PHACTR1: variants seen among roughly 807,000 people sequenced by gnomAD.
PHACTR1 encodes the protein RPEL repeat containing 1.
In PHACTR1, 16 loss-of-function variants were observed where a neutral mutation model predicts 69.2. The ratio of observed to expected loss-of-function variants is 0.23; its 90% CI spans 0.16 to 0.35. The LOEUF (loss-of-function observed/expected upper bound fraction) is 0.35, where lower values mean the gene tolerates loss of function less well. PHACTR1 is among the 10% of genes least tolerant of loss of function. The pLI, the probability that PHACTR1 is intolerant of heterozygous loss-of-function variation, is 1.00. For synonymous variants in PHACTR1, 312 were observed against 284.5 expected (o/e 1.10, Z -0.97); for missense variants, 510 against 734.7 (o/e 0.69, Z 3.54).
intron 4 of PHACTR1, among the ~76,000 whole-genome samples, chr6:12,899,940 AC>A (rs1785026924): frequency 6.6e-6 from 1 of 152,180 alleles, no homozygotes; most frequent in African/African-American, 2.4e-5. Context: ...CACTGGGGAC[AC>A]AGCTTGCCCC....
chr6:12,934,573 C>T lies in PHACTR1; in HGVS notation c.251-118792C>T, dbSNP rs558132009. ...TAGTAGGGCCGGGTGTGGTGGCTCA[C>T]GCCTGTAATCCCAGCACTTTGGGAG... is the stretch of plus-strand genomic sequence containing the variant. On this transcript the variant is annotated intron_variant, in intron 4 of 14. Transcript: ENST00000332995. 1.8e-3 allele frequency among the ~76,000 whole-genome samples: 281 copies of T among 152,242 alleles called. 1 individual carries two copies. Among genetic ancestry groups the T allele is most frequent in the African/African-American group, 6.0e-3 (251 of 41,566 alleles).
At chr6:13,006,674 C>T (rs1370295133) in intron 4 of PHACTR1, among the ~76,000 whole-genome samples, 1 of 152,108 alleles carries the variant, frequency 6.6e-6, no homozygotes, top group Non-Finnish European at 1.5e-5. Context: ...CACACACACA[C>T]ACACACACTT....
intron 4 of PHACTR1, among the ~76,000 whole-genome samples, chr6:12,756,632 G>T (rs1767357129): frequency 6.6e-6 from 1 of 152,180 alleles, no homozygotes; most frequent in African/African-American, 2.4e-5. Flanking sequence ...GCTTTCTATT[G>T]ATCCTTGTTG....
At chr6:12,848,958 T>C (rs1363135502) in intron 4 of PHACTR1, among the ~76,000 whole-genome samples, 1 of 152,178 alleles carries the variant, frequency 6.6e-6, no homozygotes, top group East Asian at 1.9e-4. Flanking sequence ...TTTAATCTTA[T>C]TGCCTCCCAG....
chr6:13,105,383 G>T (rs1468303259), intron 5 of PHACTR1, among the ~76,000 whole-genome samples: 2 of 151,976 alleles, frequency 1.3e-5, no homozygotes, highest in South Asian at 4.2e-4. Context: ...TGTCTCTGGC[G>T]TGTGTGTCGG....
chr6:13,256,578 G>A (rs1038474181), intron 10 of PHACTR1, among the ~76,000 whole-genome samples: 1 of 152,168 alleles, frequency 6.6e-6, no homozygotes, highest in Non-Finnish European at 1.5e-5. Flanking sequence ...ATTAGAAGCA[G>A]CCAGGCTACA....
intron 4 of PHACTR1, among the ~76,000 whole-genome samples, chr6:12,945,375 A>G (rs556768707): frequency 1.3e-5 from 2 of 152,220 alleles, no homozygotes; most frequent in Non-Finnish European, 2.9e-5. Context: ...TCAAAACTGT[A>G]AGTTTCATGA....
intron 5 of PHACTR1, among the ~76,000 whole-genome samples, chr6:13,149,053 A>G (rs1823881556): frequency 1.3e-5 from 2 of 149,870 alleles, no homozygotes; most frequent in African/African-American, 2.5e-5. Context: ...GTTTGTTTCA[A>G]ATGTTTACCA....
intron 4 of PHACTR1, among the ~76,000 whole-genome samples, chr6:12,942,861 C>G (rs1369181798): frequency 6.6e-6 from 1 of 152,194 alleles, no homozygotes; most frequent in Non-Finnish European, 1.5e-5. Context: ...AGCTCCATAG[C>G]TCTTTCACCC....
chr6:12,789,662 C>T (rs1472354721), intron 4 of PHACTR1, among the ~76,000 whole-genome samples: 1 of 152,118 alleles, frequency 6.6e-6, no homozygotes, highest in Non-Finnish European at 1.5e-5. Flanking sequence ...CCTCAGGTTT[C>T]CCATCCCAGT....
At chr6:12,922,921 A>G (rs768746883) in intron 4 of PHACTR1, among the ~76,000 whole-genome samples, 2 of 152,118 alleles carry the variant, frequency 1.3e-5, no homozygotes, top group Non-Finnish European at 2.9e-5. Context: ...TATTCCTAGA[A>G]CTCTGCATCA....
chr6:13,054,355 G>A (rs1446127900), intron 5 of PHACTR1, among the ~76,000 whole-genome samples: 2 of 152,140 alleles, frequency 1.3e-5, no homozygotes, highest in Admixed American at 6.5e-5. Context: ...TCACCCCATT[G>A]GGTCTGTGAT....
At chr6:12,914,447 A>C (rs962929642) in intron 4 of PHACTR1, among the ~76,000 whole-genome samples, 1 of 152,130 alleles carries the variant, frequency 6.6e-6, no homozygotes, top group Non-Finnish European at 1.5e-5. Context: ...TAGCTCTGAA[A>C]CTGTATGTCC....
rs182541526 is a variant in PHACTR1, at chr6:13,043,865, G to T, written c.251-9500G>T. Among the ~76,000 whole-genome samples the T allele has an allele frequency of 2.7e-3, 414 of 152,230 alleles. 2 individuals carry two copies. The highest frequency in any genetic ancestry group is 9.5e-3 in the African/African-American group (393 of 41,540). On this transcript the variant is annotated intron_variant, in intron 4 of 14. Coordinates refer to ENST00000332995, the MANE Select transcript of PHACTR1 (RefSeq NM_030948.6). Reference sequence around the variant, plus strand: ...CTTTGGATTAACACAAGACTTGGGAGTTTATTTACAATTTAAATAAGTTCT... The same window carrying T: ...CTTTGGATTAACACAAGACTTGGGATTTTATTTACAATTTAAATAAGTTCT...
intron 4 of PHACTR1, among the ~76,000 whole-genome samples, chr6:12,806,742 CAG>C (rs1370661396): frequency 6.6e-6 from 1 of 151,966 alleles, no homozygotes; most frequent in Non-Finnish European, 1.5e-5. Flanking sequence ...TTTTATAAAA[CAG>C]ATCTGCATTA....
intron 4 of PHACTR1, among the ~76,000 whole-genome samples, chr6:12,782,356 A>G (rs919810718): frequency 6.6e-6 from 1 of 152,168 alleles, no homozygotes; most frequent in Non-Finnish European, 1.5e-5. Context: ...GTGTCTAGAA[A>G]GGACACATTC....
At chr6:12,930,915 G>T (rs1163912840) in intron 4 of PHACTR1, among the ~76,000 whole-genome samples, 3 of 150,798 alleles carry the variant, frequency 2.0e-5, no homozygotes, top group Admixed American at 6.6e-5. Flanking sequence ...GCTGGGCATG[G>T]TGGCACATGC....
rs75713719 is a variant in PHACTR1, at chr6:12,899,649, A to T, written c.250+149859A>T. Among the ~76,000 whole-genome samples, 1,219 of 152,350 alleles carry T rather than the reference A, an allele frequency of 8.0e-3. 19 individuals carry two copies. Among genetic ancestry groups the T allele is most frequent in the African/African-American group, 0.027 (1,111 of 41,580 alleles). ...TGCACCCTCTTCTGGGTTGACTGAG[A>T]ATAGCTTAAGCGTTGAAAAGACTCC... On this transcript the variant is annotated intron_variant, in intron 4 of 14. Transcript: ENST00000332995.
intron 5 of PHACTR1, among the ~76,000 whole-genome samples, chr6:13,102,597 A>G (rs1335537185): frequency 6.6e-6 from 1 of 152,212 alleles, no homozygotes; most frequent in Admixed American, 6.5e-5. Flanking sequence ...TTGGCTTGGT[A>G]ACATTACAGA....
Sources: allele counts gnomAD v4.1 joint callset (sites outside exome capture counted in the v4.1 genomes callset), GRCh38; gene constraint gnomAD v4.1.1; transcripts MANE v1.5; gene names NCBI Gene and HGNC (gene_info 2026-07-23, HGNC 2026-07-21).